NUGGC: variants seen among roughly 807,000 people sequenced by gnomAD.
NUGGC encodes nuclear GTPase SLIP-GC.
A neutral mutation model predicts 92.6 loss-of-function variants in NUGGC; 58 were observed. The ratio of observed to expected loss-of-function variants is 0.63; its 90% CI spans 0.51 to 0.78. The LOEUF is 0.78. Ranked by LOEUF, NUGGC falls within the 30% of genes least tolerant of loss-of-function variation. The probability of loss-of-function intolerance (pLI) is 0.00; values close to 1 mark genes in which losing one functional copy is unlikely to be tolerated. For synonymous variants in NUGGC, 376 were observed against 366.4 expected (o/e 1.03, Z -0.30); for missense variants, 925 against 964.6 (o/e 0.96, Z 0.54).
chr8:28,068,750 T>C (rs1345349428), intron 4 of NUGGC, among the ~76,000 whole-genome samples: 1 of 152,224 alleles, frequency 6.6e-6, no homozygotes, highest in Non-Finnish European at 1.5e-5. Flanking sequence ...TTTGTTTATG[T>C]GTCTGAGACA....
chr8:28,022,853 A>G lies in NUGGC; in HGVS notation c.*464T>C. On this transcript the variant is annotated 3_prime_UTR_variant, in exon 19 of 19. Transcript: ENST00000413272. ...TTTGGGAGGCAGAGATGGGTGGATC[A>G]CGAGGTCAGGAGTTCAGGACCAGCC... 6.5e-6 allele frequency: 1 copy of G among 153,132 alleles called. No homozygotes were observed. The highest frequency in any genetic ancestry group is 1.5e-5 in the Non-Finnish European group (1 of 68,648). The allele number at this position is 153,132 out of a possible 1,614,324, so 9.5% of individuals were successfully genotyped here.
intron 11 of NUGGC, 69 bp downstream of exon 11, chr8:28,047,438 C>A: frequency 1.0e-6 from 1 of 978,262 alleles, no homozygotes; most frequent in Middle Eastern, 2.2e-4. Flanking sequence ...AGTTCTAGAG[C>A]AGGAAATTCG....
rs191431376 is a variant in NUGGC, at chr8:28,070,329, G to C, written c.71C>G (p.Thr24Arg). The change falls in exon 3 of 19, where the codon ACG becomes AGG. Residue 24 changes from threonine to arginine, a missense_variant. By Grantham distance (71) the Thr-to-Arg change is moderately conservative (BLOSUM62 -1). Coordinates refer to ENST00000413272, the MANE Select transcript of NUGGC (RefSeq NM_001010906.2). ...TCGATCTGATTTCCTTCTTTTTCTCGTTCGTTCTTTATATAAATCATCTTC... is the reference window on the plus strand; with the variant it reads ...TCGATCTGATTTCCTTCTTTTTCTCCTTCGTTCTTTATATAAATCATCTTC... ...PVEDDLYKER[T>R]RKRRKSDRDQ... 3.6e-5 allele frequency: 55 copies of C among 1,544,700 alleles called. No homozygotes were observed. Among genetic ancestry groups the C allele is most frequent in the Non-Finnish European group, 4.5e-5 (51 of 1,140,266 alleles).
At chr8:28,052,134 A>C (rs1192481352) in intron 10 of NUGGC, among the ~76,000 whole-genome samples, 3 of 152,134 alleles carry the variant, frequency 2.0e-5, no homozygotes, top group African/African-American at 7.2e-5. Flanking sequence ...TAGTAACTCA[A>C]ATCCATAACT....
At chr8:28,026,817 C>T in intron 18 of NUGGC, 145 bp downstream of exon 18, 1 of 641,074 alleles carries the variant, frequency 1.6e-6, no homozygotes, top group South Asian at 1.7e-5. Flanking sequence ...GTCATCATCT[C>T]CATTCCTTGC....
chr8:28,081,817 G>A (rs994325083), intron 1 of NUGGC, among the ~76,000 whole-genome samples: 1 of 151,636 alleles, frequency 6.6e-6, no homozygotes, highest in Admixed American at 6.6e-5. Flanking sequence ...GGCGGAGGTT[G>A]CAGTGAGCTG....
chr8:28,051,998 G>A (rs774759698), intron 10 of NUGGC, among the ~76,000 whole-genome samples: 19 of 152,100 alleles, frequency 1.2e-4, no homozygotes, highest in Non-Finnish European at 2.6e-4. Context: ...AAGGTCAAGT[G>A]AACCATAACA....
intron 12 of NUGGC, among the ~76,000 whole-genome samples, chr8:28,044,283 G>A (rs1310985729): frequency 1.3e-5 from 2 of 152,152 alleles, no homozygotes; most frequent in African/African-American, 2.4e-5. Context: ...CACATCTGAC[G>A]GGTGAAGGCA....
At chr8:28,028,588 TGG>T (rs1364214716) in intron 17 of NUGGC, among the ~76,000 whole-genome samples, 1 of 152,042 alleles carries the variant, frequency 6.6e-6, no homozygotes, top group African/African-American at 2.4e-5. Context: ...AAGCCCACAG[TGG>T]CATGGACTTC....
In NUGGC at chr8:28,063,896, C is replaced by G. The variant is rs118007390; in HGVS notation, c.921+626G>C. ...TCCTGTGTTCCTCCCACCCTGTGCTCCAGAGCGCCTCTGTTTACCGCGCCC... is the reference window on the plus strand; with the variant it reads ...TCCTGTGTTCCTCCCACCCTGTGCTGCAGAGCGCCTCTGTTTACCGCGCCC... On this transcript the variant is annotated intron_variant, in intron 7 of 18. Transcript: ENST00000413272. Among the ~76,000 whole-genome samples the G allele has an allele frequency of 2.3e-3, 349 of 152,306 alleles. 16 individuals carry two copies. The East Asian group carries it at 0.061, about 27-fold the overall frequency.
At chr8:28,031,964 A>T (rs1809427679) in intron 14 of NUGGC, among the ~76,000 whole-genome samples, 1 of 152,220 alleles carries the variant, frequency 6.6e-6, no homozygotes, top group Admixed American at 6.5e-5. Flanking sequence ...GTTCAGATGT[A>T]AAAAGACAGA....
At chr8:28,070,419 T>A in intron 2 of NUGGC, 63 bp from the exon 3 acceptor site, 1 of 843,334 alleles carries the variant, frequency 1.2e-6, no homozygotes, top group South Asian at 1.5e-5. Flanking sequence ...TTGCCTCACC[T>A]CTATCAGCAT....
chr8:28,080,664 C>A (rs765522387), intron 1 of NUGGC, among the ~76,000 whole-genome samples: 102 of 151,990 alleles, frequency 6.7e-4, no homozygotes, highest in Admixed American at 2.2e-3. Context: ...CTATCTAGAT[C>A]TAGATATAGA....
chr8:28,036,216 A>C (rs1809550451), intron 13 of NUGGC, among the ~76,000 whole-genome samples: 1 of 152,206 alleles, frequency 6.6e-6, no homozygotes, highest in African/African-American at 2.4e-5. Context: ...GGAAAATAAG[A>C]AATTAAGCAT....
At chr8:28,039,100 C>T (rs1364406700) in intron 13 of NUGGC, among the ~76,000 whole-genome samples, 1 of 152,196 alleles carries the variant, frequency 6.6e-6, no homozygotes, top group East Asian at 1.9e-4. Context: ...ACACTTTCCC[C>T]AGTGACCCCA....
rs1240442460 is a variant in NUGGC at position 28,041,037 on chromosome 8, G to A, written c.1611+14C>T. 8 of 1,588,612 alleles carry A rather than the reference G, an allele frequency of 5.0e-6. No individual in the cohort carries two copies. Among genetic ancestry groups the A allele is most frequent in the East Asian group, 2.3e-5 (1 of 43,618 alleles). On this transcript the variant is annotated intron_variant, in intron 13 of 18. Transcript: ENST00000413272. ...TCCTGGAATATCTGAGTTTTCCCTG[G>A]AAGGGTCACTCACCACCAAGCATGC...
At chr8:28,031,095 G>T in intron 15 of NUGGC, 148 bp downstream of exon 15, 2 of 868,702 alleles carry the variant, frequency 2.3e-6, no homozygotes, top group Non-Finnish European at 3.7e-6. Flanking sequence ...ATCCCACTGG[G>T]TTCTGTATTT....
In NUGGC at chr8:28,031,307, G is replaced by C; in HGVS notation, c.1844C>G (p.Thr615Arg). 1.2e-6 allele frequency: 2 copies of C among 1,613,916 alleles called. No individual in the cohort carries two copies. The highest frequency in any genetic ancestry group is 1.6e-4 in the Middle Eastern group (1 of 6,062). Residue 615 changes from threonine (T) to arginine (R), a missense_variant, in exon 15 of 19, where the codon ACA (threonine) becomes AGA (arginine). Physicochemically the swap from Thr to Arg is moderately conservative, Grantham distance 71 (BLOSUM62 -1). Transcript: ENST00000413272. ...AFKQSLQEKM[T>R]EIGIRSGWKY... ...CCAGCCACTTCTTATCCCAATTTCT[G>C]TCATTTTCTCCTGCAGGGACTGCTT...
intron 17 of NUGGC, among the ~76,000 whole-genome samples, chr8:28,028,499 C>CT (rs1809326806): frequency 6.6e-6 from 1 of 152,314 alleles, no homozygotes; most frequent in South Asian, 2.1e-4. Flanking sequence ...AATAGGCCAG[C>CT]TTCCCTGAGG....
Sources: allele counts gnomAD v4.1 joint callset (sites outside exome capture counted in the v4.1 genomes callset), GRCh38; gene constraint gnomAD v4.1.1; transcripts MANE v1.5; gene names NCBI Gene and HGNC (gene_info 2026-07-23, HGNC 2026-07-21).